ZNF385B: variants seen among roughly 807,000 people sequenced by gnomAD.
The protein encoded by ZNF385B is zinc finger protein 385B.
Under a neutral mutation model 39.2 loss-of-function variants are expected in ZNF385B, and 23 were observed. The observed-to-expected ratio is 0.59, with a 90% CI of 0.42 to 0.83. The LOEUF (loss-of-function observed/expected upper bound fraction) is 0.83, where lower values mean the gene tolerates loss of function less well. Ranked by LOEUF, ZNF385B falls within the 40% of genes least tolerant of loss-of-function variation. The probability of loss-of-function intolerance (pLI) is 0.00; values close to 1 mark genes in which losing one functional copy is unlikely to be tolerated. For missense variants in ZNF385B, 552 were observed against 598.9 expected, an observed-to-expected ratio of 0.92 and a Z score of 0.82; for synonymous variants, 205 against 222.6, an observed-to-expected ratio of 0.92 and a Z score of 0.70.
intron 3 of ZNF385B, among the ~76,000 whole-genome samples, chr2:179,604,154 A>T (rs11688721): frequency 0.25 from 37,537 of 152,078 alleles, 5,736 homozygotes; most frequent in Non-Finnish European, 0.33. Context: ...GTCCATTCTG[A>T]ACACTTTTAT....
chr2:179,747,465 G>A (rs898942884), intron 3 of ZNF385B, among the ~76,000 whole-genome samples: 3 of 152,084 alleles, frequency 2.0e-5, no homozygotes, highest in Admixed American at 2.0e-4. Flanking sequence ...TGTATTATGA[G>A]AAAAGGCATT....
chr2:179,483,620 C>G (rs1342771593), intron 5 of ZNF385B, among the ~76,000 whole-genome samples, 186 bp from the exon 6 acceptor site: 1 of 152,092 alleles, frequency 6.6e-6, no homozygotes, highest in Non-Finnish European at 1.5e-5. Context: ...ATATCAAAAC[C>G]TCCTATACAA....
rs376178273 is a variant in ZNF385B, at chr2:179,838,965, G to A, written c.-155+22136C>T. On this transcript the variant is annotated intron_variant, in intron 1 of 9. Transcript: ENST00000410066. ...ATTTTGCTGCTCCTTGCAAAAGTGT[G>A]GTCCTTTTAGCCCCGGCACTATATA... Among the ~76,000 whole-genome samples, 63 of 151,444 alleles carry A rather than the reference G, an allele frequency of 4.2e-4. No homozygotes were observed. In the East Asian group the frequency reaches 4.3e-3, roughly 10 times the overall value.
chr2:179,830,825 A>T (rs1257146221), intron 1 of ZNF385B, among the ~76,000 whole-genome samples: 3 of 152,196 alleles, frequency 2.0e-5, no homozygotes, highest in Non-Finnish European at 4.4e-5. Flanking sequence ...AGACTGTACA[A>T]CACAAAGAGT....
chr2:179,638,075 AC>A (rs1407656702), intron 3 of ZNF385B, among the ~76,000 whole-genome samples: 3 of 152,214 alleles, frequency 2.0e-5, no homozygotes, highest in Non-Finnish European at 4.4e-5. Context: ...TCTTCAATAG[AC>A]TATATTAAAA....
intron 1 of ZNF385B, among the ~76,000 whole-genome samples, chr2:179,772,971 A>C (rs1704099399): frequency 6.6e-6 from 1 of 152,208 alleles, no homozygotes; most frequent in Admixed American, 6.5e-5. Context: ...ATTTTAGTGC[A>C]GGCAAAAGAA....
Position 179,483,480 on chromosome 2 carries a change from C to T in ZNF385B, c.553-46G>A, listed in dbSNP as rs1207299377. 6.2e-6 allele frequency: 10 copies of T among 1,610,794 alleles called. No homozygotes were observed. In the East Asian group the frequency reaches 2.2e-4, roughly 36 times the overall value. On this transcript the variant is annotated intron_variant, in intron 5 of 9. Coordinates refer to ENST00000410066, the MANE Select transcript of ZNF385B (RefSeq NM_152520.6). ...GGCTCATTTTTTTGCTAATTACAAA[C>T]ACCACAGTGGATGATCATGCAGGAG...
At chr2:179,595,241 A>G (rs1467639060) in intron 3 of ZNF385B, among the ~76,000 whole-genome samples, 1 of 152,192 alleles carries the variant, frequency 6.6e-6, no homozygotes, top group East Asian at 1.9e-4. Context: ...TCCAAAATGA[A>G]AAATTTTGCC....
chr2:179,749,030 T>C (rs1447938124), intron 3 of ZNF385B, among the ~76,000 whole-genome samples: 1 of 152,140 alleles, frequency 6.6e-6, no homozygotes, highest in Non-Finnish European at 1.5e-5. Context: ...GGAAACTGCA[T>C]TTATTTTTTT....
intron 1 of ZNF385B, among the ~76,000 whole-genome samples, chr2:179,852,955 G>A (rs1334592878): frequency 6.6e-6 from 1 of 152,190 alleles, no homozygotes; most frequent in Non-Finnish European, 1.5e-5. Context: ...AGAGGAATGA[G>A]ACTATATCTT....
At chr2:179,793,640 C>T (rs192463795) in intron 1 of ZNF385B, among the ~76,000 whole-genome samples, 179 of 152,296 alleles carry the variant, frequency 1.2e-3, no homozygotes, top group African/African-American at 3.8e-3. Flanking sequence ...CTCAGCCATG[C>T]GGAACTGTGA....
At chr2:179,839,549 T>C (rs910735136) in intron 1 of ZNF385B, among the ~76,000 whole-genome samples, 2 of 152,256 alleles carry the variant, frequency 1.3e-5, no homozygotes, top group African/African-American at 4.8e-5. Flanking sequence ...ATCATTTAAA[T>C]CTTTACCATT....
Position 179,442,365 on chromosome 2 carries a change from G to A in ZNF385B, c.*885C>T, listed in dbSNP as rs112758429. On this transcript the variant is annotated 3_prime_UTR_variant, in exon 10 of 10. Transcript: ENST00000410066. ...TGTCTTCTTGCAGAATGCACAAGAG[G>A]TGCAAAAATGTGCAATTTAGGAAGC... 2 of 152,738 alleles carry A rather than the reference G, an allele frequency of 1.3e-5. No individual in the cohort carries two copies. Among genetic ancestry groups the A allele is most frequent in the African/African-American group, 2.4e-5 (1 of 41,578 alleles). The allele number at this position is 152,738 out of a possible 1,614,324, so 9.5% of individuals were successfully genotyped here.
intron 5 of ZNF385B, among the ~76,000 whole-genome samples, chr2:179,485,861 C>G (rs376151219): frequency 6.6e-6 from 1 of 152,068 alleles, no homozygotes; most frequent in Admixed American, 6.6e-5. Context: ...AGCATATAAC[C>G]CAGGTCACCC....
intron 3 of ZNF385B, among the ~76,000 whole-genome samples, chr2:179,735,124 C>T (rs1342565521): frequency 1.3e-5 from 2 of 152,112 alleles, no homozygotes; most frequent in Admixed American, 6.5e-5. Context: ...ATTTTCGCAA[C>T]CCACTCATCT....
intron 3 of ZNF385B, among the ~76,000 whole-genome samples, chr2:179,620,666 TTTAC>T (rs1690136143): frequency 6.6e-6 from 1 of 152,132 alleles, no homozygotes; most frequent in African/African-American, 2.4e-5. Context: ...TATGAACTAA[TTTAC>T]TAACTACTTT....
chr2:179,583,865 T>G (rs2106044156), intron 3 of ZNF385B: 1 of 1,283,694 alleles, frequency 7.8e-7, no homozygotes, highest in Admixed American at 2.4e-5. Flanking sequence ...ACCTCAGATC[T>G]TACTGCCCTC....
chr2:179,700,937 G>A (rs765708257), intron 3 of ZNF385B, among the ~76,000 whole-genome samples: 2 of 152,230 alleles, frequency 1.3e-5, no homozygotes, highest in Admixed American at 6.5e-5. Context: ...TCTCTTGACC[G>A]GGAAGGCGGA....
chr2:179,485,393 T>G (rs2054460325), intron 5 of ZNF385B, among the ~76,000 whole-genome samples: 1 of 152,186 alleles, frequency 6.6e-6, no homozygotes, highest in Non-Finnish European at 1.5e-5. Flanking sequence ...TATTGTGTGT[T>G]GTTGAAGTGT....
Sources: gnomAD v4.1 joint callset for allele counts (sites outside exome capture counted in the v4.1 genomes callset) on GRCh38, gnomAD v4.1.1 for gene constraint, MANE v1.5 for transcripts, NCBI Gene and HGNC (gene_info 2026-07-23, HGNC 2026-07-21) for gene names.